Variants in DCTN5 observed in about 807,000 individuals in gnomAD.
The protein encoded by DCTN5 is dynactin subunit 5.
In DCTN5, 14 loss-of-function variants were observed where a neutral mutation model predicts 23.5. The ratio of observed to expected loss-of-function variants is 0.60; its 90% CI spans 0.39 to 0.93. DCTN5 has a LOEUF of 0.93. Ranked by LOEUF, DCTN5 falls within the 40% of genes least tolerant of loss-of-function variation. The pLI is 0.00. For missense variants in DCTN5, 156 were observed against 225.9 expected (o/e 0.69, Z 1.98); for synonymous variants, 67 against 79.6 (o/e 0.84, Z 0.84).
At chr16:23,661,717 T>TATAAATAAATAA (rs370377120) in intron 4 of DCTN5, among the ~76,000 whole-genome samples, 1,513 of 148,504 alleles carry the variant, frequency 0.01, 19 homozygotes, top group African/African-American at 0.027. Flanking sequence ...GACACTGTCT[T>TATAAATAAATAA]ATAAATAAAT....
chr16:23,651,285 C>T, intron 2 of DCTN5: 3 of 803,464 alleles, frequency 3.7e-6, no homozygotes, highest in Middle Eastern at 1.3e-3. Flanking sequence ...AGGGCAGCCA[C>T]CTTCTTTCTT....
chr16:23,669,417 T>A lies in DCTN5; in HGVS notation c.*2273T>A, dbSNP rs535513736. 3.9e-5 allele frequency: 6 copies of A among 152,354 alleles called. No individual in the cohort carries two copies. The highest frequency in any genetic ancestry group is 8.8e-5 in the Non-Finnish European group (6 of 68,098). 9.4% of individuals were successfully genotyped at this position (152,354 alleles called of 1,614,324 possible). On this transcript the variant is annotated 3_prime_UTR_variant, in exon 6 of 6. Coordinates refer to ENST00000300087, the MANE Select transcript of DCTN5 (RefSeq NM_032486.4). ...GTGGCCCCACAGCACCAGTTATTGA[T>A]AAAAAGAGCTCCCCTTTGCTGACAG...
chr16:23,649,617 C>T (rs767948600), intron 2 of DCTN5, among the ~76,000 whole-genome samples: 93 of 151,984 alleles, frequency 6.1e-4, no homozygotes, highest in Non-Finnish European at 8.8e-4. Flanking sequence ...CCAAGGCGGG[C>T]GGATCACTTG....
chr16:23,666,904 C>A, intron 5 of DCTN5, 143 bp from the exon 6 acceptor site: 1 of 1,332,258 alleles, frequency 7.5e-7, no homozygotes, highest in Non-Finnish European at 1.0e-6. Context: ...TCTTAGCAAG[C>A]ACTGGACCAG....
rs1479927122 is a variant in DCTN5, at chr16:23,672,042, A to T, written c.*4898A>T. Reference sequence around the variant, plus strand: ...GTGCCATTTCAGCTGCATTCATCTCAGTTGGTGTTGTCTGCTGGCTGCTCT... The same window carrying T: ...GTGCCATTTCAGCTGCATTCATCTCTGTTGGTGTTGTCTGCTGGCTGCTCT... On this transcript the variant is annotated 3_prime_UTR_variant, in exon 6 of 6. Transcript: ENST00000300087. 6.6e-6 allele frequency: 1 copy of T among 152,010 alleles called. No homozygotes were observed. The highest frequency in any genetic ancestry group is 2.4e-5 in the African/African-American group (1 of 41,360). The allele number at this position is 152,010 out of a possible 1,614,324, so 9.4% of individuals were successfully genotyped here.
At chr16:23,650,859 G>T in intron 2 of DCTN5, 1 of 1,436,660 alleles carries the variant, frequency 7.0e-7, no homozygotes, top group Non-Finnish European at 9.5e-7. Flanking sequence ...GTGAACAATA[G>T]AGAGTGGTGG....
At chr16:23,653,490 G>C (rs1184583041) in intron 2 of DCTN5, among the ~76,000 whole-genome samples, 3 of 152,124 alleles carry the variant, frequency 2.0e-5, no homozygotes, top group African/African-American at 7.2e-5. Context: ...TGGATAACTG[G>C]CTAGCCATAT....
rs1968076381 is a variant in DCTN5 at position 23,675,776 on chromosome 16, A to C, written c.*8632A>C. ...AGTGCTTTGAGTTCAGACTGACAAC[A>C]GAGTGGGTCTAGCTTCTATGCTTTC... On this transcript the variant is annotated 3_prime_UTR_variant, in exon 6 of 6. Coordinates refer to ENST00000300087, the MANE Select transcript of DCTN5 (RefSeq NM_032486.4). The C allele has an allele frequency of 6.6e-6, 1 of 152,242 alleles. No homozygotes were observed. Among genetic ancestry groups the C allele is most frequent in the Non-Finnish European group, 1.5e-5 (1 of 68,054 alleles). The allele number at this position is 152,242 out of a possible 1,614,324, so 9.4% of individuals were successfully genotyped here.
At chr16:23,650,876 G>C (rs1364902143) in intron 2 of DCTN5, 1 of 1,409,996 alleles carries the variant, frequency 7.1e-7, no homozygotes, top group Non-Finnish European at 9.7e-7. Context: ...GTGGGGCCTG[G>C]TGAATTGGAG....
At chr16:23,656,446 C>G (rs1444080823) in intron 2 of DCTN5, among the ~76,000 whole-genome samples, 1 of 152,084 alleles carries the variant, frequency 6.6e-6, no homozygotes, top group African/African-American at 2.4e-5. Context: ...TAATCTGTAA[C>G]AGTTCTCTTT....
intron 2 of DCTN5, among the ~76,000 whole-genome samples, chr16:23,655,802 C>T (rs1041897640): frequency 1.3e-5 from 2 of 152,176 alleles, no homozygotes; most frequent in South Asian, 2.1e-4. Context: ...GCATCAGCCT[C>T]CCAAAGTACT....
At chr16:23,642,899 G>A in intron 1 of DCTN5, 56 bp from the exon 2 acceptor site, 3 of 1,487,340 alleles carry the variant, frequency 2.0e-6, no homozygotes, top group Non-Finnish European at 2.8e-6. Flanking sequence ...ATGGAAACCT[G>A]TAGTCCAGAA....
At chr16:23,645,154 TACGCA>T (rs1967429777) in intron 2 of DCTN5, among the ~76,000 whole-genome samples, 4 of 109,676 alleles carry the variant, frequency 3.6e-5, no homozygotes, top group South Asian at 3.1e-4. Flanking sequence ...TTTTTTTTAA[TACGCA>T]GTTTTGCTCT....
Position 23,641,609 on chromosome 16 carries a change from G to A in DCTN5, c.48+19G>A, listed in dbSNP as rs1323688718. On this transcript the variant is annotated intron_variant, in intron 1 of 5. Coordinates refer to ENST00000300087, the MANE Select transcript of DCTN5 (RefSeq NM_032486.4). ...CGAGACGGTGCGCGGGTCCAGATAT[G>A]TATCCTCCTCTTTCCAACCCTGCGT... The A allele has an allele frequency of 6.2e-7, 1 of 1,613,814 alleles. No homozygotes were observed. The highest frequency in any genetic ancestry group is 2.2e-5 in the East Asian group (1 of 44,874).
chr16:23,673,840 T>G lies in DCTN5; in HGVS notation c.*6696T>G, dbSNP rs1283895790. 6.6e-6 allele frequency: 1 copy of G among 152,210 alleles called. No homozygotes were observed. The highest frequency in any genetic ancestry group is 2.4e-5 in the African/African-American group (1 of 41,460). The allele number at this position is 152,210 out of a possible 1,614,324, so 9.4% of individuals were successfully genotyped here. ...GGAGACAACATGTAAAGAGAAGCAA[T>G]CTGTTTGGAAAATGAAAATACAGTT... On this transcript the variant is annotated 3_prime_UTR_variant, in exon 6 of 6. Coordinates refer to ENST00000300087, the MANE Select transcript of DCTN5 (RefSeq NM_032486.4).
rs907347848 is a variant in DCTN5, at chr16:23,672,153, G to A, written c.*5009G>A. 1 of 152,180 alleles carries A rather than the reference G, an allele frequency of 6.6e-6. No individual in the cohort carries two copies. The highest frequency in any genetic ancestry group is 1.5e-5 in the Non-Finnish European group (1 of 68,034). The allele number at this position is 152,180 out of a possible 1,614,324, so 9.4% of individuals were successfully genotyped here. A position where few individuals can be genotyped will look rare whatever the true frequency, so the allele number is the denominator to read the frequency against. On this transcript the variant is annotated 3_prime_UTR_variant, in exon 6 of 6. Transcript: ENST00000300087. Reference sequence around the variant, plus strand: ...AGAATGAGGAAATATGAGAGCCCCAGGAACTGAAAAGGCCTGTGAGAGACT... The same window carrying A: ...AGAATGAGGAAATATGAGAGCCCCAAGAACTGAAAAGGCCTGTGAGAGACT...
In DCTN5 at chr16:23,669,227, C is replaced by T. The variant is rs1406863746; in HGVS notation, c.*2083C>T. 6.6e-6 allele frequency: 1 copy of T among 152,340 alleles called. No individual in the cohort carries two copies. Among genetic ancestry groups the T allele is most frequent in the Non-Finnish European group, 1.5e-5 (1 of 68,044 alleles). 9.4% of individuals were successfully genotyped at this position (152,340 alleles called of 1,614,324 possible). A position where few individuals can be genotyped will look rare whatever the true frequency, so the allele number is the denominator to read the frequency against. On this transcript the variant is annotated 3_prime_UTR_variant, in exon 6 of 6. Coordinates refer to ENST00000300087, the MANE Select transcript of DCTN5 (RefSeq NM_032486.4). Reference sequence around the variant, plus strand: ...GATGGGAAGGACCTTGGTTGGGACTCTTTCCAGTTCACTTGGGGCAGAGGG... The same window carrying T: ...GATGGGAAGGACCTTGGTTGGGACTTTTTCCAGTTCACTTGGGGCAGAGGG...
chr16:23,668,015 G>A lies in DCTN5; in HGVS notation c.*871G>A, dbSNP rs1967937679. 1 of 152,230 alleles carries A rather than the reference G, an allele frequency of 6.6e-6. No homozygotes were observed. The highest frequency in any genetic ancestry group is 1.5e-5 in the Non-Finnish European group (1 of 68,056). The allele number at this position is 152,230 out of a possible 1,614,324, so 9.4% of individuals were successfully genotyped here. On this transcript the variant is annotated 3_prime_UTR_variant, in exon 6 of 6. Coordinates refer to ENST00000300087, the MANE Select transcript of DCTN5 (RefSeq NM_032486.4). ...TAAACTCCACAATTCACACCAAAAT[G>A]TCTGTACTTAGAGCTAATTCGCATA...
intron 4 of DCTN5, among the ~76,000 whole-genome samples, chr16:23,664,969 A>G (rs1304403782): frequency 2.0e-5 from 3 of 152,198 alleles, no homozygotes; most frequent in African/African-American, 4.8e-5. Flanking sequence ...CATTCAGCCC[A>G]TGTTGTAAGA....
Sources: gnomAD v4.1 joint callset for allele counts (sites outside exome capture counted in the v4.1 genomes callset) on GRCh38, gnomAD v4.1.1 for gene constraint, MANE v1.5 for transcripts, NCBI Gene and HGNC (gene_info 2026-07-23, HGNC 2026-07-21) for gene names.